PTPN22: variants seen among roughly 807,000 people sequenced by gnomAD.
PTPN22 encodes the protein tyrosine-protein phosphatase non-receptor type 22.
Under a neutral mutation model 103.3 loss-of-function variants are expected in PTPN22, and 85 were observed. That is an observed-to-expected ratio of 0.82 (90% CI 0.69 to 0.99). The LOEUF is 0.99. Ranked by LOEUF, PTPN22 falls within the 50% of genes least tolerant of loss-of-function variation. The pLI is 0.00. For synonymous variants in PTPN22, 323 were observed against 310.2 expected, an observed-to-expected ratio of 1.04 and a Z score of -0.43; for missense variants, 865 against 936.9, an observed-to-expected ratio of 0.92 and a Z score of 1.00.
At chr1:113,823,155 AAGGC>A (rs1169419794) in intron 19 of PTPN22, 1 of 152,254 alleles carries the variant, frequency 6.6e-6, no homozygotes, top group Non-Finnish European at 1.5e-5. Flanking sequence ...ACATTCCACA[AAGGC>A]AGAGCCCATA....
At chr1:113,839,957 A>T (rs1178445324) in intron 11 of PTPN22, among the ~76,000 whole-genome samples, 2 of 152,178 alleles carry the variant, frequency 1.3e-5, no homozygotes, top group Non-Finnish European at 2.9e-5. Context: ...CACGCCTGTA[A>T]TCCCAGCACT....
At chr1:113,816,596 T>C (rs1010984497) in intron 20 of PTPN22, among the ~76,000 whole-genome samples, 1 of 152,042 alleles carries the variant, frequency 6.6e-6, no homozygotes, top group African/African-American at 2.4e-5. Flanking sequence ...CTATGGTAAC[T>C]ACTCAAATGT....
intron 9 of PTPN22, among the ~76,000 whole-genome samples, chr1:113,852,405 C>T (rs1664646697): frequency 6.6e-6 from 1 of 152,084 alleles, no homozygotes; most frequent in South Asian, 2.1e-4. Flanking sequence ...ATGAGAGTTG[C>T]ATAAAATAAA....
In PTPN22 at chr1:113,871,668, C is replaced by T; in HGVS notation, c.-45G>A. Reference sequence around the variant, plus strand: ...AGTCTATAAGTAGGTTGAGGGAGGGCATGTCAAATGTGTGTCATGGCCGAG... The same window carrying T: ...AGTCTATAAGTAGGTTGAGGGAGGGTATGTCAAATGTGTGTCATGGCCGAG... On this transcript the variant is annotated 5_prime_UTR_variant, in exon 1 of 21. It removes an upstream start codon present in the reference 5' UTR. Transcript: ENST00000359785. The T allele has an allele frequency of 6.4e-7, 1 of 1,562,974 alleles. No homozygotes were observed. The highest frequency in any genetic ancestry group is 2.2e-5 in the East Asian group (1 of 44,606).
intron 7 of PTPN22, among the ~76,000 whole-genome samples, chr1:113,855,298 C>T (rs911215243): frequency 5.3e-5 from 8 of 151,922 alleles, no homozygotes; most frequent in Admixed American, 2.6e-4. Flanking sequence ...AGTTCAAGAC[C>T]AACCTGGCCA....
chr1:113,821,256 A>G (rs1661575347), intron 19 of PTPN22, among the ~76,000 whole-genome samples: 1 of 152,118 alleles, frequency 6.6e-6, no homozygotes, highest in Non-Finnish European at 1.5e-5. Flanking sequence ...CATATATATC[A>G]GAGGAAACTG....
intron 1 of PTPN22, among the ~76,000 whole-genome samples, chr1:113,868,710 G>A (rs931492673): frequency 2.6e-5 from 4 of 152,064 alleles, no homozygotes; most frequent in African/African-American, 9.7e-5. Context: ...ATTATCCCTT[G>A]GCCAGGGTAG....
intron 16 of PTPN22, among the ~76,000 whole-genome samples, chr1:113,831,054 T>C (rs1344776893): frequency 6.6e-6 from 1 of 152,182 alleles, no homozygotes; most frequent in Non-Finnish European, 1.5e-5. Context: ...TCTGAAGTAG[T>C]TCATCATCTT....
intron 1 of PTPN22, among the ~76,000 whole-genome samples, chr1:113,860,525 TTTTG>T (rs747910873): frequency 4.6e-5 from 7 of 152,164 alleles, no homozygotes; most frequent in East Asian, 1.9e-4. Context: ...ACTGATATCT[TTTTG>T]TTTGTTTGTT....
At chr1:113,838,021 G>A (rs1389831124) in exon 13 of PTPN22, 1 of 1,613,938 alleles carries the variant, frequency 6.2e-7, no homozygotes, top group Non-Finnish European at 8.5e-7. Context: ...CACCTCCTTG[G>A]TTTCTCTCTG....
chr1:113,868,718 T>C (rs1666321082), intron 1 of PTPN22, among the ~76,000 whole-genome samples: 1 of 151,808 alleles, frequency 6.6e-6, no homozygotes, highest in African/African-American at 2.4e-5. Context: ...TTGGCCAGGG[T>C]AGGACAGGAC....
intron 20 of PTPN22, among the ~76,000 whole-genome samples, chr1:113,817,950 T>C (rs1205031470): frequency 6.6e-6 from 1 of 151,320 alleles, no homozygotes; most frequent in African/African-American, 2.4e-5. Context: ...TTTTTCTTTT[T>C]CTTTTTTCCT....
chr1:113,834,468 T>C (rs775063207), intron 14 of PTPN22, 29 bp from the exon 15 acceptor site: 1 of 1,595,444 alleles, frequency 6.3e-7, no homozygotes, highest in African/African-American at 1.3e-5. Context: ...AGTTCGGTTC[T>C]TAAGAATAGT....
chr1:113,819,584 C>A, exon 20 of PTPN22: 1 of 1,601,808 alleles, frequency 6.2e-7, no homozygotes, highest in South Asian at 1.1e-5. Context: ...TACCAAAATT[C>A]AGAAATGAGC....
At chr1:113,850,584 C>A (rs1159630064) in intron 10 of PTPN22, among the ~76,000 whole-genome samples, 1 of 152,188 alleles carries the variant, frequency 6.6e-6, no homozygotes, top group Non-Finnish European at 1.5e-5. Context: ...CAGCATTAAA[C>A]CAGCTAATGC....
At chr1:113,863,922 TA>T (rs369280519) in intron 1 of PTPN22, among the ~76,000 whole-genome samples, 26,200 of 135,592 alleles carry the variant, frequency 0.19, 2,917 homozygotes, top group South Asian at 0.34. Context: ...TATATATATA[TA>T]TATATTTTTT....
intron 1 of PTPN22, among the ~76,000 whole-genome samples, chr1:113,868,487 C>G (rs188533277): frequency 6.6e-6 from 1 of 152,186 alleles, no homozygotes; most frequent in Non-Finnish European, 1.5e-5. Context: ...AGCAGTCTAG[C>G]CTCATTCACT....
At chr1:113,820,314 G>T (rs893714502) in intron 19 of PTPN22, among the ~76,000 whole-genome samples, 3 of 151,844 alleles carry the variant, frequency 2.0e-5, no homozygotes, top group Admixed American at 2.0e-4. Flanking sequence ...AAAAATTAGC[G>T]AGGCATGGTG....
chr1:113,829,906 T>G (rs3761935), intron 17 of PTPN22, 43 bp downstream of exon 17: 260,571 of 1,500,234 alleles, frequency 0.17, 23,704 homozygotes, highest in East Asian at 0.21. Flanking sequence ...CTTTTAACAT[T>G]TTCATTTTTA....
Sources: gnomAD v4.1 joint callset for allele counts (sites outside exome capture counted in the v4.1 genomes callset) on GRCh38, gnomAD v4.1.1 for gene constraint, MANE v1.5 for transcripts, NCBI Gene and HGNC (gene_info 2026-07-23, HGNC 2026-07-21) for gene names.